TRDN: variants seen among roughly 807,000 people sequenced by gnomAD.
The protein encoded by TRDN is triadin in skeletal muscle.
TRDN carries 161 observed loss-of-function variants against 149.7 expected under a neutral mutation model. That is an observed-to-expected ratio of 1.08 (90% CI 0.95 to 1.23). The LOEUF is 1.23. TRDN is among the 50% of genes most tolerant of loss of function. The probability of loss-of-function intolerance (pLI) is 0.00; values close to 1 mark genes in which losing one functional copy is unlikely to be tolerated. For missense variants in TRDN, 896 were observed against 823.5 expected (o/e 1.09, Z -1.08); for synonymous variants, 294 against 250.5 (o/e 1.17, Z -1.64).
intron 39 of TRDN, 124 bp downstream of exon 39, chr6:123,223,969 T>C (rs1775258894): frequency 2.7e-6 from 2 of 753,072 alleles, no homozygotes; most frequent in South Asian, 4.1e-5. Context: ...GCCTACCATG[T>C]AAATGTTGCC....
intron 24 of TRDN, among the ~76,000 whole-genome samples, chr6:123,293,939 C>G (rs1291949257): frequency 6.6e-6 from 1 of 152,040 alleles, no homozygotes; most frequent in Non-Finnish European, 1.5e-5. Flanking sequence ...GGAATCAAGG[C>G]AGTGATGGGA....
chr6:123,429,541 T>G (rs1357814962), intron 12 of TRDN, among the ~76,000 whole-genome samples: 1 of 152,178 alleles, frequency 6.6e-6, no homozygotes, highest in Non-Finnish European at 1.5e-5. Context: ...GCCTGGATAT[T>G]TCACATCTGC....
chr6:123,255,867 CT>C lies in TRDN; in HGVS notation c.1905del (p.Val636SerfsTer13). The C allele has an allele frequency of 1.5e-6, 2 of 1,349,286 alleles. No individual in the cohort carries two copies. Among genetic ancestry groups the C allele is most frequent in the South Asian group, 1.7e-5 (1 of 57,164 alleles). The allele number at this position is 1,349,286 out of a possible 1,614,324, so 83.6% of individuals were successfully genotyped here. On this transcript the variant is annotated frameshift_variant and splice_region_variant, in exon 36 of 41. Coordinates refer to ENST00000334268, the MANE Select transcript of TRDN (RefSeq NM_006073.4). LOFTEE classifies it high-confidence loss of function. ...KADMKHLREE[K>X]VSTRKESLQL... ...ATTTTTTATTCTTTTAAAAAATTACCTTTTTCTTCTCTAAGATGCTTCATGT... is the reference window on the plus strand; with the variant it reads ...ATTTTTTATTCTTTTAAAAAATTACCTTTTCTTCTCTAAGATGCTTCATGT...
At chr6:123,293,226 A>G (rs112078022) in intron 24 of TRDN, among the ~76,000 whole-genome samples, 70 of 152,272 alleles carry the variant, frequency 4.6e-4, no homozygotes, top group African/African-American at 1.4e-3. Flanking sequence ...CTAACTAACC[A>G]TAGTGATGCT....
At chr6:123,359,281 T>C (rs1346964641) in intron 20 of TRDN, among the ~76,000 whole-genome samples, 2 of 152,178 alleles carry the variant, frequency 1.3e-5, no homozygotes, top group Non-Finnish European at 2.9e-5. Context: ...CATTATAGGA[T>C]TGTTGTAGCA....
intron 1 of TRDN, among the ~76,000 whole-genome samples, chr6:123,630,278 A>G (rs9490842): frequency 0.17 from 25,345 of 152,042 alleles, 4,402 homozygotes; most frequent in African/African-American, 0.45. Flanking sequence ...TTTTAATACT[A>G]TCTTTAAGCT....
intron 8 of TRDN, chr6:123,501,819 G>A (rs750290730): frequency 8.0e-6 from 7 of 874,196 alleles, no homozygotes; most frequent in Non-Finnish European, 8.2e-6. Context: ...ATAGTAGACT[G>A]AAAAGGGATA....
At chr6:123,402,996 T>C (rs966745736) in intron 12 of TRDN, among the ~76,000 whole-genome samples, 1 of 152,110 alleles carries the variant, frequency 6.6e-6, no homozygotes, top group African/African-American at 2.4e-5. Context: ...GAGTAGACAT[T>C]TGAAGAAAGG....
chr6:123,249,890 T>C (rs991395625), intron 38 of TRDN, among the ~76,000 whole-genome samples: 8 of 152,094 alleles, frequency 5.3e-5, no homozygotes, highest in African/African-American at 1.7e-4. Flanking sequence ...GGCATCCACA[T>C]TGGAAAATAA....
At chr6:123,616,410 A>G (rs1470025461) in intron 1 of TRDN, among the ~76,000 whole-genome samples, 2 of 151,952 alleles carry the variant, frequency 1.3e-5, no homozygotes, top group East Asian at 3.9e-4. Flanking sequence ...AAAAAATCAA[A>G]TGTTTTCTTT....
intron 20 of TRDN, among the ~76,000 whole-genome samples, chr6:123,359,821 G>T (rs1185901697): frequency 1.3e-5 from 2 of 151,792 alleles, no homozygotes; most frequent in African/African-American, 4.8e-5. Context: ...TCAGCCTCCC[G>T]AGTAGCTGGG....
At chr6:123,312,870 C>T (rs539290944) in intron 24 of TRDN, among the ~76,000 whole-genome samples, 39 of 151,944 alleles carry the variant, frequency 2.6e-4, no homozygotes. Flanking sequence ...AATATCTTAC[C>T]ACTTGTTTGT....
At chr6:123,330,100 A>G (rs766611233) in intron 23 of TRDN, among the ~76,000 whole-genome samples, 2 of 152,086 alleles carry the variant, frequency 1.3e-5, no homozygotes, top group Non-Finnish European at 2.9e-5. Flanking sequence ...CTTTGAGAAT[A>G]TATTTCCAGA....
chr6:123,276,820 C>T (rs892719150), intron 26 of TRDN, among the ~76,000 whole-genome samples: 1 of 152,052 alleles, frequency 6.6e-6, no homozygotes, highest in African/African-American at 2.4e-5. Context: ...GGGACAGAGA[C>T]ATGATAAAAT....
At position 123,377,957 on chromosome 6, in the gene TRDN, C is replaced by T; in HGVS notation, c.1187-59G>A. 5 of 1,238,038 alleles carry T rather than the reference C, an allele frequency of 4.0e-6. No individual in the cohort carries two copies. The South Asian group carries it at 5.9e-5, about 15-fold the overall frequency. The allele number at this position is 1,238,038 out of a possible 1,614,324, so 76.7% of individuals were successfully genotyped here. On this transcript the variant is annotated intron_variant, in intron 16 of 40. Transcript: ENST00000334268. ...GTTATTATTCTAAAGTTTATGAATC[C>T]CAACTTAATTGTTTTAACACAAAGA...
At chr6:123,415,394 C>T (rs1223643269) in intron 12 of TRDN, among the ~76,000 whole-genome samples, 1 of 152,142 alleles carries the variant, frequency 6.6e-6, no homozygotes, top group Non-Finnish European at 1.5e-5. Context: ...GACAAGATCG[C>T]TGTAACGTTA....
chr6:123,488,709 G>GTTTTTTTTTT (rs75123838), intron 9 of TRDN: 1 of 129,702 alleles, frequency 7.7e-6, no homozygotes. Context: ...TTCCAATCTT[G>GTTTTTTTTTT]TTTTTTTTTT....
At chr6:123,575,787 C>T (rs1782824514) in intron 1 of TRDN, among the ~76,000 whole-genome samples, 1 of 152,012 alleles carries the variant, frequency 6.6e-6, no homozygotes, top group African/African-American at 2.4e-5. Context: ...CATAAGCCTC[C>T]TGATAGAAGT....
chr6:123,379,824 T>G (rs1326824096), intron 16 of TRDN, among the ~76,000 whole-genome samples: 2 of 152,204 alleles, frequency 1.3e-5, no homozygotes, highest in African/African-American at 4.8e-5. Context: ...AAAAAAATTA[T>G]AGCTCACAAA....
Sources: gnomAD v4.1 joint callset for allele counts (sites outside exome capture counted in the v4.1 genomes callset) on GRCh38, gnomAD v4.1.1 for gene constraint, MANE v1.5 for transcripts, NCBI Gene and HGNC (gene_info 2026-07-23, HGNC 2026-07-21) for gene names.